CPNE4: variants seen among roughly 807,000 people sequenced by gnomAD.
The protein encoded by CPNE4 is copine 4, also known as copine-4.
Under a neutral mutation model 67.9 loss-of-function variants are expected in CPNE4, and 25 were observed. The observed-to-expected ratio is 0.37, with a 90% CI of 0.27 to 0.51. The LOEUF (loss-of-function observed/expected upper bound fraction) is 0.51, where lower values mean the gene tolerates loss of function less well. Among genes scored for constraint, CPNE4 ranks in the 20% least tolerant of loss-of-function variants. The probability of loss-of-function intolerance (pLI) is 0.93; values close to 1 mark genes in which losing one functional copy is unlikely to be tolerated. For missense variants in CPNE4, 464 were observed against 690.8 expected, an observed-to-expected ratio of 0.67 and a Z score of 3.68; for synonymous variants, 242 against 244.9, an observed-to-expected ratio of 0.99 and a Z score of 0.11.
At chr3:131,750,233 G>C (rs1156653995) in intron 2 of CPNE4, among the ~76,000 whole-genome samples, 1 of 152,092 alleles carries the variant, frequency 6.6e-6, no homozygotes, top group Non-Finnish European at 1.5e-5. Context: ...GTTTCTCATA[G>C]AGAGCATATA....
At chr3:131,872,842 C>T (rs2087276544) in intron 2 of CPNE4, among the ~76,000 whole-genome samples, 1 of 152,220 alleles carries the variant, frequency 6.6e-6, no homozygotes, top group Non-Finnish European at 1.5e-5. Context: ...TAATATGTCA[C>T]ACATGTGAGT....
At chr3:131,855,074 T>C (rs1378346180) in intron 2 of CPNE4, among the ~76,000 whole-genome samples, 1 of 151,990 alleles carries the variant, frequency 6.6e-6, no homozygotes, top group Non-Finnish European at 1.5e-5. Context: ...GAAAGTATAA[T>C]AGCTTTTGTT....
intron 1 of CPNE4, among the ~76,000 whole-genome samples, chr3:131,930,114 A>G (rs59597837): frequency 2.6e-5 from 4 of 152,060 alleles, no homozygotes; most frequent in African/African-American, 9.7e-5. Context: ...GCACTTTCCA[A>G]TGGTTGTTAA....
chr3:132,033,718 G>C (rs777693254), intron 1 of CPNE4, among the ~76,000 whole-genome samples: 1 of 152,258 alleles, frequency 6.6e-6, no homozygotes, highest in African/African-American at 2.4e-5. Flanking sequence ...ACTCCAAGAT[G>C]AAGGAGGAGC....
At chr3:132,022,911 G>A (rs1231856942) in intron 1 of CPNE4, among the ~76,000 whole-genome samples, 1 of 152,100 alleles carries the variant, frequency 6.6e-6, no homozygotes, top group Admixed American at 6.5e-5. Context: ...AAAAATAAAA[G>A]GCAATCTGAG....
At chr3:131,973,758 G>A (rs72992888) in intron 1 of CPNE4, among the ~76,000 whole-genome samples, 10,109 of 152,170 alleles carry the variant, frequency 0.066, 1,043 homozygotes, top group African/African-American at 0.23. Flanking sequence ...TGGAAGAATG[G>A]GCATGAATTT....
intron 5 of CPNE4, among the ~76,000 whole-genome samples, chr3:131,694,767 G>T (rs115327634): frequency 6.6e-6 from 1 of 152,166 alleles, no homozygotes; most frequent in African/African-American, 2.4e-5. Context: ...AGGCATGTGC[G>T]TAGAGCTAGT....
At chr3:131,979,737 A>G (rs2072856302) in intron 1 of CPNE4, among the ~76,000 whole-genome samples, 3 of 151,660 alleles carry the variant, frequency 2.0e-5, no homozygotes, top group Admixed American at 2.0e-4. Context: ...TTTGTTGCCC[A>G]TGTATCTTGA....
chr3:131,836,418 A>G (rs932191706), intron 2 of CPNE4, among the ~76,000 whole-genome samples: 3 of 152,206 alleles, frequency 2.0e-5, no homozygotes, highest in African/African-American at 7.2e-5. Flanking sequence ...CATTTGTGCT[A>G]AAAACTCTCA....
At chr3:131,556,539 T>C (rs1387773458) in intron 11 of CPNE4, among the ~76,000 whole-genome samples, 1 of 152,102 alleles carries the variant, frequency 6.6e-6, no homozygotes, top group East Asian at 1.9e-4. Flanking sequence ...ACCCTGTCTT[T>C]GGTATTAAAA....
intron 2 of CPNE4, among the ~76,000 whole-genome samples, chr3:131,808,001 C>T (rs903256224): frequency 6.6e-6 from 1 of 152,066 alleles, no homozygotes; most frequent in African/African-American, 2.4e-5. Context: ...TAAGGTAATG[C>T]TAGAGGACTT....
chr3:131,779,785 A>G (rs186803176), intron 2 of CPNE4, among the ~76,000 whole-genome samples: 30 of 152,272 alleles, frequency 2.0e-4, no homozygotes, highest in African/African-American at 5.1e-4. Flanking sequence ...CAAAGACTTC[A>G]TGACAAAAAC....
chr3:131,794,962 C>T (rs570193800), intron 2 of CPNE4, among the ~76,000 whole-genome samples: 1 of 152,294 alleles, frequency 6.6e-6, no homozygotes, highest in East Asian at 1.9e-4. Flanking sequence ...CCAGAGGGAA[C>T]ATTTTTCCTA....
rs116421884 is a variant in CPNE4, at chr3:131,995,701, A to G, written c.-2+38866T>C. On this transcript the variant is annotated intron_variant, in intron 1 of 15. Coordinates refer to ENST00000429747, the MANE Select transcript of CPNE4 (RefSeq NM_130808.3). Reference sequence around the variant, plus strand: ...CATGGGAATCTTCCCAACCTCCTTCATGGACTACCTATTCCTGAGAAATCA... The same window carrying G: ...CATGGGAATCTTCCCAACCTCCTTCGTGGACTACCTATTCCTGAGAAATCA... Among the ~76,000 whole-genome samples, 810 of 152,280 alleles carry G rather than the reference A, an allele frequency of 5.3e-3. 10 individuals are homozygous for G. Among genetic ancestry groups the G allele is most frequent in the African/African-American group, 0.018 (759 of 41,552 alleles).
intron 2 of CPNE4, among the ~76,000 whole-genome samples, chr3:131,777,681 C>T (rs1005207458): frequency 7.9e-5 from 12 of 151,938 alleles, no homozygotes; most frequent in African/African-American, 2.9e-4. Flanking sequence ...TTTTATAATC[C>T]CATTGGTATT....
chr3:131,724,681 T>A (rs886499455), intron 2 of CPNE4, among the ~76,000 whole-genome samples: 1 of 152,182 alleles, frequency 6.6e-6, no homozygotes, highest in African/African-American at 2.4e-5. Context: ...GGTAACATAG[T>A]GCCTCTCTCT....
intron 7 of CPNE4, among the ~76,000 whole-genome samples, chr3:131,646,779 T>G (rs921736368): frequency 6.6e-6 from 1 of 152,156 alleles, no homozygotes; most frequent in African/African-American, 2.4e-5. Flanking sequence ...ATGAGCTGGT[T>G]GAAGAAAAAG....
chr3:131,906,209 T>G (rs200882753), intron 1 of CPNE4, among the ~76,000 whole-genome samples: 16 of 112,202 alleles, frequency 1.4e-4, no homozygotes, highest in Middle Eastern at 8.6e-3. Context: ...TTTGTTTTTT[T>G]TTGTTGTTGT....
chr3:131,825,930 T>C (rs557728868), intron 2 of CPNE4, among the ~76,000 whole-genome samples: 58 of 152,370 alleles, frequency 3.8e-4, no homozygotes, highest in Admixed American at 1.4e-3. Flanking sequence ...TTATATTCTA[T>C]ATGCCCTTGG....
Sources: allele counts gnomAD v4.1 joint callset (sites outside exome capture counted in the v4.1 genomes callset), GRCh38; gene constraint gnomAD v4.1.1; transcripts MANE v1.5; gene names NCBI Gene and HGNC (gene_info 2026-07-23, HGNC 2026-07-21).